ANKRD44: variants seen among roughly 807,000 people sequenced by gnomAD.
ANKRD44 encodes the protein ankyrin repeat domain 44.
A neutral mutation model predicts 116.0 loss-of-function variants in ANKRD44; 35 were observed. The ratio of observed to expected loss-of-function variants is 0.30; its 90% confidence interval spans 0.23 to 0.40. ANKRD44 has a LOEUF of 0.40. Among genes scored for constraint, ANKRD44 ranks in the 10% least tolerant of loss-of-function variants. The pLI, the probability that ANKRD44 is intolerant of heterozygous loss-of-function variation, is 1.00. For synonymous variants in ANKRD44, 435 were observed against 461.8 expected, an observed-to-expected ratio of 0.94 and a Z score of 0.74; for missense variants, 1,014 against 1,242.6, an observed-to-expected ratio of 0.82 and a Z score of 2.77.
chr2:196,968,307 G>T (rs1478482021), intron 21 of ANKRD44, among the ~76,000 whole-genome samples: 5 of 152,158 alleles, frequency 3.3e-5, no homozygotes, highest in Non-Finnish European at 1.5e-5. Flanking sequence ...TCCAGGAATG[G>T]TTCCACAAAG....
chr2:196,982,056 C>G (rs1173284404), downstream of ANKRD44, among the ~76,000 whole-genome samples: 1 of 140,636 alleles, frequency 7.1e-6, no homozygotes, highest in Non-Finnish European at 1.5e-5. Context: ...CAGGGCTCTT[C>G]TATCATTTAT....
At chr2:197,283,083 G>A (rs924002632) in intron 1 of ANKRD44, among the ~76,000 whole-genome samples, 8 of 152,160 alleles carry the variant, frequency 5.3e-5, no homozygotes, top group Non-Finnish European at 7.3e-5. Flanking sequence ...TTATAGATAT[G>A]TATGTTTGTA....
intron 3 of ANKRD44, among the ~76,000 whole-genome samples, chr2:197,138,721 CT>C (rs1420741823): frequency 6.6e-6 from 1 of 152,158 alleles, no homozygotes; most frequent in Non-Finnish European, 1.5e-5. Flanking sequence ...GTGTTTCTGT[CT>C]AGTAAGCCGA....
chr2:197,017,202 A>G (rs4241193), intron 17 of ANKRD44, among the ~76,000 whole-genome samples: 2 of 152,086 alleles, frequency 1.3e-5, no homozygotes, highest in Admixed American at 6.5e-5. Context: ...AAAAGAGAAA[A>G]GAAGTTGCAA....
intron 16 of ANKRD44, among the ~76,000 whole-genome samples, chr2:197,033,459 T>A (rs2076746361): frequency 6.6e-6 from 1 of 152,130 alleles, no homozygotes; most frequent in South Asian, 2.1e-4. Flanking sequence ...TCTCAATAAA[T>A]CCTTGAGTAA....
At chr2:197,298,053 A>T (rs749946402) in intron 1 of ANKRD44, among the ~76,000 whole-genome samples, 18 of 152,262 alleles carry the variant, frequency 1.2e-4, no homozygotes, top group Non-Finnish European at 2.5e-4. Context: ...ACTTGTAGAA[A>T]TAAAGGAAGA....
intron 1 of ANKRD44, among the ~76,000 whole-genome samples, chr2:197,234,704 C>T (rs1017834850): frequency 1.1e-4 from 17 of 152,162 alleles, no homozygotes; most frequent in African/African-American, 3.1e-4. Flanking sequence ...CCAATTTCCA[C>T]GATCACAGAG....
intron 17 of ANKRD44, among the ~76,000 whole-genome samples, chr2:197,016,533 G>A (rs1439033858): frequency 6.6e-6 from 1 of 152,148 alleles, no homozygotes; most frequent in African/African-American, 2.4e-5. Flanking sequence ...AAAGTTAACT[G>A]TAAAGAAACA....
chr2:197,121,371 A>C lies in ANKRD44; in HGVS notation c.867T>G (p.Leu289=), dbSNP rs906421383. The change falls in exon 8 of 28, where the codon CTT becomes CTG. Residue 289 remains leucine, a synonymous_variant. Transcript: ENST00000282272. Reference sequence around the variant, plus strand: ...CTGCCCCGTTGTTTACTAACAATTCAAGACACAAAGCACCATGAGTGGAGG... The same window carrying C: ...CTGCCCCGTTGTTTACTAACAATTCCAGACACAAAGCACCATGAGTGGAGG... ...AAASTHGALC[L]ELLVNNGADV... 6.8e-6 allele frequency: 11 copies of C among 1,614,228 alleles called. No individual in the cohort carries two copies. The highest frequency in any genetic ancestry group is 1.6e-4 in the Middle Eastern group (1 of 6,062).
rs1358199729 is a variant in ANKRD44, at chr2:197,141,670, C to G, written c.191-5008G>C. On this transcript the variant is annotated intron_variant, in intron 3 of 27. Transcript: ENST00000282272. The stretch of plus-strand genomic sequence containing the variant: ...TTCTTTCAGTCAGTGTTTAAGTCCT[C>G]CATTCCTCCATTTCTCTTTTTCATG... Among the ~76,000 whole-genome samples, 3 of 152,090 alleles carry G rather than the reference C, an allele frequency of 2.0e-5. No homozygotes were observed. In the East Asian group the frequency reaches 5.8e-4, roughly 29 times the overall value.
intron 21 of ANKRD44, among the ~76,000 whole-genome samples, chr2:196,977,769 C>A (rs556801736): frequency 1.3e-5 from 2 of 152,032 alleles, no homozygotes; most frequent in African/African-American, 2.4e-5. Flanking sequence ...GCAGCCTCTG[C>A]GGAACAGTTT....
At chr2:197,102,497 G>A (rs1313979050) in intron 9 of ANKRD44, among the ~76,000 whole-genome samples, 1 of 152,080 alleles carries the variant, frequency 6.6e-6, no homozygotes. Context: ...CTATCTGATG[G>A]GTGAGAGCTG....
At chr2:197,079,994 C>T (rs191635641) in intron 15 of ANKRD44, among the ~76,000 whole-genome samples, 13 of 152,230 alleles carry the variant, frequency 8.5e-5, no homozygotes, top group South Asian at 4.1e-4. Context: ...ATTCTCTCTT[C>T]GGTCATTTGC....
In ANKRD44 at chr2:197,310,757, T is replaced by G. The variant is rs948333147; in HGVS notation, c.-153A>C. The G allele has an allele frequency of 1.4e-6, 1 of 711,260 alleles. No individual in the cohort carries two copies. The highest frequency in any genetic ancestry group is 1.9e-6 in the Non-Finnish European group (1 of 538,828). The allele number at this position is 711,260 out of a possible 1,614,324, so 44.1% of individuals were successfully genotyped here. ...CCCCTGCTCCTCCTCCGCCGCCGCC[T>G]CCTCCCGCCGAGAGGCTGACACTGG... is the stretch of plus-strand genomic sequence containing the variant. On this transcript the variant is annotated 5_prime_UTR_variant, in exon 1 of 28. Transcript: ENST00000282272.
intron 9 of ANKRD44, among the ~76,000 whole-genome samples, chr2:197,104,819 T>C (rs1172648789): frequency 3.3e-5 from 5 of 152,212 alleles, no homozygotes; most frequent in Admixed American, 1.3e-4. Flanking sequence ...TTAACAAAAA[T>C]GTGTGCACTT....
At chr2:197,047,024 C>CT (rs11431937) in intron 16 of ANKRD44, among the ~76,000 whole-genome samples, 102,199 of 148,792 alleles carry the variant, frequency 0.69, 35,336 homozygotes, top group East Asian at 0.85. Flanking sequence ...AACAGAATTA[C>CT]TTTTTTTTTT....
intron 2 of ANKRD44, among the ~76,000 whole-genome samples, chr2:197,149,758 AG>A (rs905552298): frequency 6.6e-6 from 1 of 152,212 alleles, no homozygotes; most frequent in Non-Finnish European, 1.5e-5. Flanking sequence ...CATGAGTCAA[AG>A]CGTGAATGAC....
intron 1 of ANKRD44, among the ~76,000 whole-genome samples, chr2:197,289,294 G>A (rs1025464889): frequency 6.6e-6 from 1 of 152,188 alleles, no homozygotes; most frequent in African/African-American, 2.4e-5. Context: ...AGGATGTGGA[G>A]AAACTAACCC....
At chr2:197,303,679 T>C (rs12693815) in intron 1 of ANKRD44, among the ~76,000 whole-genome samples, 46,576 of 152,072 alleles carry the variant, frequency 0.31, 7,943 homozygotes, top group East Asian at 0.47. Flanking sequence ...AAGGGGACTC[T>C]AAGCAAACAA....
Sources: gnomAD v4.1 joint callset for allele counts (sites outside exome capture counted in the v4.1 genomes callset) on GRCh38, gnomAD v4.1.1 for gene constraint, MANE v1.5 for transcripts, NCBI Gene and HGNC (gene_info 2026-07-23, HGNC 2026-07-21) for gene names.